Variants in EFCAB14 observed in about 807,000 individuals in gnomAD.
EFCAB14 encodes EF-hand calcium-binding domain-containing protein 14.
A neutral mutation model predicts 56.5 loss-of-function variants in EFCAB14; 43 were observed. That is an observed-to-expected ratio of 0.76 (90% CI 0.60 to 0.98). The LOEUF (loss-of-function observed/expected upper bound fraction) is 0.98, where lower values mean the gene tolerates loss of function less well. Among genes scored for constraint, EFCAB14 ranks in the 50% least tolerant of loss-of-function variants. EFCAB14 has a pLI of 0.00. For synonymous variants in EFCAB14, 235 were observed against 212.9 expected, an observed-to-expected ratio of 1.10 and a Z score of -0.90; for missense variants, 538 against 580.3, an observed-to-expected ratio of 0.93 and a Z score of 0.75.
chr1:46,718,272 G>A lies in EFCAB14; in HGVS notation c.-185C>T. ...CAGGGACTGGAGATTGGAGCCCAGA[G>A]GAAACTGGAACTCAGATGGGTGGGG... On this transcript the variant is annotated 5_prime_UTR_variant, in exon 1 of 11. Transcript: ENST00000371933. 1 of 566,118 alleles carries A rather than the reference G, an allele frequency of 1.8e-6. No individual in the cohort carries two copies. Among genetic ancestry groups the A allele is most frequent in the South Asian group, 2.5e-5 (1 of 40,470 alleles). The allele number at this position is 566,118 out of a possible 1,614,324, so 35.1% of individuals were successfully genotyped here. A position where few individuals can be genotyped will look rare whatever the true frequency, so the allele number is the denominator to read the frequency against.
At chr1:46,706,468 G>C (rs1339611014) in intron 3 of EFCAB14, among the ~76,000 whole-genome samples, 1 of 152,214 alleles carries the variant, frequency 6.6e-6, no homozygotes, top group East Asian at 1.9e-4. Flanking sequence ...CAGTTTACAA[G>C]AACGAGATGA....
At chr1:46,711,664 A>C (rs1677309945) in intron 2 of EFCAB14, among the ~76,000 whole-genome samples, 1 of 152,176 alleles carries the variant, frequency 6.6e-6, no homozygotes, top group Admixed American at 6.5e-5. Context: ...AACAACTTAA[A>C]ATTTTGTATG....
Position 46,691,868 on chromosome 1 carries a change from CCA to C in EFCAB14, c.647_648del (p.Val216GlyfsTer2), listed in dbSNP as rs780003341. The C allele has an allele frequency of 4.3e-6, 7 of 1,613,510 alleles. No homozygotes were observed. Among genetic ancestry groups the C allele is most frequent in the Non-Finnish European group, 5.9e-6 (7 of 1,179,680 alleles). On this transcript the variant is annotated frameshift_variant, in exon 5 of 11. Coordinates refer to ENST00000371933, the MANE Select transcript of EFCAB14 (RefSeq NM_014774.3). LOFTEE classifies it high-confidence loss of function. ...HLAVEALQKTVDEHKKTMELL... is the reference protein window; with the variant it reads ...HLAVEALQKTXDEHKKTMELL... ...AATTCCATCGTTTTCTTGTGTTCAT[CCA>C]CAGTTTTCTGTAGTGCTTCCACAGC...
chr1:46,688,374 T>A lies in EFCAB14; in HGVS notation c.966A>T (p.Lys322Asn). 1 of 1,613,924 alleles carries A rather than the reference T, an allele frequency of 6.2e-7. No individual in the cohort carries two copies. Among genetic ancestry groups the A allele is most frequent in the Non-Finnish European group, 8.5e-7 (1 of 1,179,858 alleles). Reference sequence around the variant, plus strand: ...TTACCATGCTGAAGGACAGGTTTGCTTTCTTTTCTACCTTGCTCATAGCAA... The same window carrying A: ...TTACCATGCTGAAGGACAGGTTTGCATTCTTTTCTACCTTGCTCATAGCAA... ...DVVAMSKVEK[K>N]ANLSFSMMGD... The change falls in exon 7 of 11, where the codon AAA (lysine) becomes AAT (asparagine). Residue 322 changes from lysine to asparagine, a missense_variant. Transcript: ENST00000371933.
chr1:46,715,538 C>G, intron 2 of EFCAB14, among the ~76,000 whole-genome samples: 1 of 152,112 alleles, frequency 6.6e-6, no homozygotes, highest in East Asian at 1.9e-4. Context: ...TCTAAAGAGG[C>G]AATCGTTTGA....
chr1:46,712,917 G>C (rs570747691), intron 2 of EFCAB14, among the ~76,000 whole-genome samples: 12 of 152,164 alleles, frequency 7.9e-5, no homozygotes, highest in Admixed American at 6.5e-4. Flanking sequence ...AGGAGGCTGT[G>C]GTAGGAGAAT....
chr1:46,702,683 G>A (rs1288392038), intron 3 of EFCAB14, among the ~76,000 whole-genome samples: 4 of 152,168 alleles, frequency 2.6e-5, no homozygotes, highest in Non-Finnish European at 5.9e-5. Flanking sequence ...TACCATCATC[G>A]TTATCATCAT....
At position 46,675,432 on chromosome 1, in the gene EFCAB14, G is replaced by C. The variant is rs1676678527; in HGVS notation, c.*3029C>G. On this transcript the variant is annotated 3_prime_UTR_variant, in exon 11 of 11. Transcript: ENST00000371933. ...CCCAAATGTGTTCTGGTTTGGATAT[G>C]AAAGAGGGACCACTTCTAGCTGGTG... The C allele has an allele frequency of 6.6e-6, 1 of 152,632 alleles. No homozygotes were observed. The highest frequency in any genetic ancestry group is 6.5e-5 in the Admixed American group (1 of 15,282). 9.5% of individuals were successfully genotyped at this position (152,632 alleles called of 1,614,324 possible).
At chr1:46,707,471 C>G (rs1407259944) in intron 3 of EFCAB14, among the ~76,000 whole-genome samples, 1 of 152,192 alleles carries the variant, frequency 6.6e-6, no homozygotes, top group Non-Finnish European at 1.5e-5. Context: ...CCATCACCCA[C>G]TCCTAAGCTA....
At chr1:46,708,945 C>T (rs995866285) in intron 2 of EFCAB14, among the ~76,000 whole-genome samples, 5 of 145,998 alleles carry the variant, frequency 3.4e-5, no homozygotes, top group Admixed American at 2.0e-4. Context: ...AACCTACATC[C>T]TTTTTTTTTT....
At chr1:46,708,766 T>C (rs1053558499) in intron 2 of EFCAB14, among the ~76,000 whole-genome samples, 6 of 152,214 alleles carry the variant, frequency 3.9e-5, no homozygotes, top group African/African-American at 1.2e-4. Context: ...AGGTGAAGTA[T>C]AGTATGATAT....
chr1:46,698,446 A>G (rs1281392233), intron 3 of EFCAB14, among the ~76,000 whole-genome samples: 7 of 152,214 alleles, frequency 4.6e-5, no homozygotes, highest in Non-Finnish European at 1.0e-4. Flanking sequence ...AAAATATCAG[A>G]TAGTGGGAAG....
intron 10 of EFCAB14, among the ~76,000 whole-genome samples, chr1:46,680,680 C>A (rs1025331026): frequency 1.3e-5 from 2 of 152,114 alleles, no homozygotes; most frequent in Non-Finnish European, 2.9e-5. Context: ...CTTGTGAATA[C>A]ACTAAAAAAC....
At chr1:46,714,542 A>G (rs1569740056) in intron 2 of EFCAB14, among the ~76,000 whole-genome samples, 1 of 152,180 alleles carries the variant, frequency 6.6e-6, no homozygotes, top group East Asian at 1.9e-4. Flanking sequence ...TTGTAATTCC[A>G]GCACTTCGGG....
intron 3 of EFCAB14, among the ~76,000 whole-genome samples, chr1:46,700,194 T>C (rs1269200102): frequency 6.6e-6 from 1 of 152,198 alleles, no homozygotes; most frequent in Non-Finnish European, 1.5e-5. Context: ...GGGTAATTTG[T>C]AACCAAGGAA....
chr1:46,684,737 G>C, intron 8 of EFCAB14, 135 bp from the exon 9 acceptor site: 1 of 660,908 alleles, frequency 1.5e-6, no homozygotes, highest in Non-Finnish European at 2.6e-6. Flanking sequence ...ATAAAAGAAT[G>C]AATCAACATA....
At chr1:46,711,348 G>A (rs1406980598) in intron 2 of EFCAB14, among the ~76,000 whole-genome samples, 4 of 152,208 alleles carry the variant, frequency 2.6e-5, no homozygotes, top group Non-Finnish European at 4.4e-5. Context: ...GGCAAGGGGC[G>A]AAGTCTCTCT....
chr1:46,711,344 G>A (rs1390640853), intron 2 of EFCAB14, among the ~76,000 whole-genome samples: 2 of 152,230 alleles, frequency 1.3e-5, no homozygotes, highest in Non-Finnish European at 2.9e-5. Context: ...AAGGGGCAAG[G>A]GGCGAAGTCT....
rs1209561867 is a variant in EFCAB14 at position 46,686,811 on chromosome 1, T to C, written c.1047A>G (p.Thr349=). 1 of 1,613,880 alleles carries C rather than the reference T, an allele frequency of 6.2e-7. No homozygotes were observed. Among genetic ancestry groups the C allele is most frequent in the African/African-American group, 1.3e-5 (1 of 75,044 alleles). The change falls in exon 8 of 11, where the codon ACA becomes ACG. Residue 349 remains threonine, a synonymous_variant. Coordinates refer to ENST00000371933, the MANE Select transcript of EFCAB14 (RefSeq NM_014774.3). ...TTATGCTTTGGATTTTTACTGTATC[T>C]GTTCTGTTGGTGACTTGATCCAAAG... ...RQSLDQVTNR[T]DTVKIQSIKK...
Sources: allele counts gnomAD v4.1 joint callset (sites outside exome capture counted in the v4.1 genomes callset), GRCh38; gene constraint gnomAD v4.1.1; transcripts MANE v1.5; gene names NCBI Gene and HGNC (gene_info 2026-07-23, HGNC 2026-07-21).